DGKG: variants seen among roughly 807,000 people sequenced by gnomAD.
The protein encoded by DGKG is diacylglycerol kinase gamma, also known as DAG kinase gamma.
DGKG carries 78 observed loss-of-function variants against 105.3 expected under a neutral mutation model. The ratio of observed to expected loss-of-function variants is 0.74; its 90% CI spans 0.62 to 0.89. The LOEUF (loss-of-function observed/expected upper bound fraction) is 0.89, where lower values mean the gene tolerates loss of function less well. Among genes scored for constraint, DGKG ranks in the 40% least tolerant of loss-of-function variants. The probability of loss-of-function intolerance (pLI) is 0.00; values close to 1 mark genes in which losing one functional copy is unlikely to be tolerated. For missense variants in DGKG, 958 were observed against 1,020.1 expected, an observed-to-expected ratio of 0.94 and a Z score of 0.83; for synonymous variants, 346 against 367.1, an observed-to-expected ratio of 0.94 and a Z score of 0.66.
intron 5 of DGKG, among the ~76,000 whole-genome samples, chr3:186,294,866 T>A (rs1723475264): frequency 6.6e-6 from 1 of 152,196 alleles, no homozygotes; most frequent in Admixed American, 6.5e-5. Context: ...CCAGCAATTT[T>A]GTGGAGTCTT....
At chr3:186,304,184 C>A (rs1724114327) in intron 3 of DGKG, among the ~76,000 whole-genome samples, 1 of 152,236 alleles carries the variant, frequency 6.6e-6, no homozygotes, top group Non-Finnish European at 1.5e-5. Flanking sequence ...CACTCATCAG[C>A]CCCAGGGCGG....
In DGKG at chr3:186,149,388, G is replaced by A. The variant is rs1198775032; in HGVS notation, c.*702C>T. 1.0e-6 allele frequency: 1 copy of A among 985,290 alleles called. No individual in the cohort carries two copies. The highest frequency in any genetic ancestry group is 1.7e-5 in the African/African-American group (1 of 57,216). 61.0% of individuals were successfully genotyped at this position (985,290 alleles called of 1,614,324 possible). On this transcript the variant is annotated 3_prime_UTR_variant, in exon 25 of 25. Coordinates refer to ENST00000265022, the MANE Select transcript of DGKG (RefSeq NM_001346.3). ...TATGCAGGCAGCTCTGGGGGCTCTT[G>A]GAGCCGCCTCTAAGCAAACATGTAG...
At chr3:186,277,476 T>C (rs1343894392) in intron 9 of DGKG, among the ~76,000 whole-genome samples, 1 of 152,176 alleles carries the variant, frequency 6.6e-6, no homozygotes, top group African/African-American at 2.4e-5. Flanking sequence ...GCTCTTTCCA[T>C]CCTGCTCCTC....
intron 2 of DGKG, among the ~76,000 whole-genome samples, chr3:186,310,336 G>A (rs1204941587): frequency 3.4e-5 from 5 of 145,484 alleles, no homozygotes; most frequent in Admixed American, 7.0e-5. Flanking sequence ...CTAGCTTTCC[G>A]TGAGGTGGAT....
At chr3:186,158,207 C>G in intron 24 of DGKG, 3 of 712,530 alleles carry the variant, frequency 4.2e-6, no homozygotes, top group Non-Finnish European at 3.4e-6. Flanking sequence ...CTTCCTTCTG[C>G]TTCTCCTAAG....
At chr3:186,288,905 C>A in intron 5 of DGKG, 25 bp from the exon 6 acceptor site, 1 of 1,521,798 alleles carries the variant, frequency 6.6e-7, no homozygotes, top group South Asian at 1.3e-5. Flanking sequence ...AGGAAAACAT[C>A]CAAGGACATT....
intron 22 of DGKG, among the ~76,000 whole-genome samples, chr3:186,181,475 G>A (rs1717354914): frequency 1.3e-5 from 2 of 152,218 alleles, no homozygotes; most frequent in South Asian, 4.1e-4. Context: ...GCTCACACCT[G>A]TAATCCCAGC....
At chr3:186,197,152 G>T (rs779569830) in intron 21 of DGKG, among the ~76,000 whole-genome samples, 2 of 152,090 alleles carry the variant, frequency 1.3e-5, no homozygotes, top group African/African-American at 4.8e-5. Context: ...AGTTGGCCGG[G>T]GGGTAGCTCT....
chr3:186,320,179 A>G (rs747171949), intron 2 of DGKG, among the ~76,000 whole-genome samples: 1 of 152,168 alleles, frequency 6.6e-6, no homozygotes, highest in Admixed American at 6.5e-5. Flanking sequence ...GTATATTGCA[A>G]ATTTCTATGG....
intron 2 of DGKG, among the ~76,000 whole-genome samples, chr3:186,310,290 C>CAA (rs886723244): frequency 1.4e-5 from 1 of 69,816 alleles, no homozygotes; most frequent in Non-Finnish European, 2.8e-5. Flanking sequence ...AAAAAAAAAA[C>CAA]CACACACACA....
At chr3:186,271,023 A>G (rs1328920837) in intron 11 of DGKG, among the ~76,000 whole-genome samples, 1 of 152,176 alleles carries the variant, frequency 6.6e-6, no homozygotes, top group Non-Finnish European at 1.5e-5. Flanking sequence ...CGTGGACGAG[A>G]GACCATGCAG....
intron 22 of DGKG, among the ~76,000 whole-genome samples, chr3:186,179,053 G>T (rs192934133): frequency 6.6e-6 from 1 of 152,324 alleles, no homozygotes; most frequent in Non-Finnish European, 1.5e-5. Flanking sequence ...TTGAAATACA[G>T]ACTCTGCTTC....
In DGKG at chr3:186,157,367, C is replaced by T. The variant is rs185004524; in HGVS notation, c.2277+4236G>A. Among the ~76,000 whole-genome samples the T allele has an allele frequency of 6.9e-3, 1,043 of 152,102 alleles. 5 individuals carry two copies. Among genetic ancestry groups the T allele is most frequent in the South Asian group, 0.014 (67 of 4,818 alleles). Reference sequence around the variant, plus strand: ...TAATACATTGTTCAATTCTACCTACCAATACTTTTAACTAGAATTCTTATG... The same window carrying T: ...TAATACATTGTTCAATTCTACCTACTAATACTTTTAACTAGAATTCTTATG... On this transcript the variant is annotated intron_variant, in intron 24 of 24. Coordinates refer to ENST00000265022, the MANE Select transcript of DGKG (RefSeq NM_001346.3).
intron 1 of DGKG, among the ~76,000 whole-genome samples, chr3:186,334,121 A>T (rs1043138087): frequency 1.3e-5 from 2 of 152,144 alleles, no homozygotes; most frequent in African/African-American, 2.4e-5. Context: ...AACAACATAA[A>T]CAGCAGCAGC....
chr3:186,255,090 T>C (rs1721399115), intron 17 of DGKG, among the ~76,000 whole-genome samples: 2 of 152,252 alleles, frequency 1.3e-5, no homozygotes, highest in Admixed American at 1.3e-4. Flanking sequence ...AATATTTCCT[T>C]AGCACCAGAA....
At chr3:186,257,685 T>G in intron 17 of DGKG, 169 bp downstream of exon 17, 1 of 486,040 alleles carries the variant, frequency 2.1e-6, no homozygotes, top group Non-Finnish European at 3.7e-6. Flanking sequence ...TTATTTCTTT[T>G]TTTTTTTTTT....
intron 24 of DGKG, chr3:186,161,200 G>C: frequency 8.1e-6 from 8 of 986,240 alleles, no homozygotes; most frequent in Non-Finnish European, 8.4e-6. Context: ...GTGTAGATTT[G>C]GCTTCCACGT....
intron 1 of DGKG, among the ~76,000 whole-genome samples, chr3:186,353,014 T>C (rs550456140): frequency 4.6e-5 from 7 of 152,254 alleles, no homozygotes; most frequent in African/African-American, 1.4e-4. Context: ...TGACTCACAG[T>C]TTTTGCTCCA....
intron 10 of DGKG, among the ~76,000 whole-genome samples, chr3:186,273,676 G>A (rs1272730877): frequency 5.9e-5 from 9 of 152,032 alleles, no homozygotes; most frequent in Non-Finnish European, 8.8e-5. Context: ...CAGGCCTGGC[G>A]GACCCCTTCT....
Sources: allele counts gnomAD v4.1 joint callset (sites outside exome capture counted in the v4.1 genomes callset), GRCh38; gene constraint gnomAD v4.1.1; transcripts MANE v1.5; gene names NCBI Gene and HGNC (gene_info 2026-07-23, HGNC 2026-07-21).